The following OFD1 variants were observed in gnomAD, a reference collection of about 807,000 sequenced individuals.
The protein encoded by OFD1 is OFD1 centriole and centriolar satellite protein.
In OFD1, 12 loss-of-function variants were observed where a neutral mutation model predicts 81.4. That is an observed-to-expected ratio of 0.15 (90% CI 0.09 to 0.24). The LOEUF (loss-of-function observed/expected upper bound fraction) is 0.24, where lower values mean the gene tolerates loss of function less well. Ranked by LOEUF, OFD1 falls within the 10% of genes least tolerant of loss-of-function variation. The probability of loss-of-function intolerance (pLI) is 1.00; values close to 1 mark genes in which losing one functional copy is unlikely to be tolerated. For missense variants in OFD1, 685 were observed against 733.9 expected (o/e 0.93, Z 0.77); for synonymous variants, 256 against 263.7 (o/e 0.97, Z 0.28).
intron 2 of OFD1, 38 bp downstream of exon 2, chrX:13,735,384 G>A (rs1229647816): frequency 2.6e-5 from 27 of 1,020,133 alleles, no homozygotes; most frequent in Non-Finnish European, 3.6e-5. Context: ...GCTTTTACAA[G>A]TGTAACCTGT....
rs1198958880 is a variant in OFD1, at chrX:13,763,763, G to C, written c.2507G>C (p.Arg836Thr). The change falls in exon 19 of 23, where the codon AGG (arginine) becomes ACG (threonine). Residue 836 changes from arginine (R) to threonine (T), a missense_variant. By Grantham distance (71) the Arg-to-Thr change is moderately conservative (BLOSUM62 -1). This residue lies in a region of OFD1 where 259 missense variants were observed against 254.4 expected (regional missense o/e 1.02). Coordinates refer to ENST00000340096, the MANE Select transcript of OFD1 (RefSeq NM_003611.3). ...CATGCAGCTGCAGGGAACATGCCAA[G>C]GCAGTTGGAAATGGGCGGGCTTTCT... ...SSFESAGNMP[R>T]QLEMGGLSPA... is the part of the protein sequence containing the mutation. The C allele has an allele frequency of 1.7e-6, 2 of 1,209,034 alleles. No individual in the cohort carries two copies. Among genetic ancestry groups the C allele is most frequent in the East Asian group, 3.0e-5 (1 of 33,800 alleles).
downstream of OFD1, chrX:13,769,419 A>G (rs760546800): frequency 2.6e-5 from 6 of 232,262 alleles, no homozygotes; most frequent in South Asian, 1.0e-4. Context: ...CTGCAGGCCT[A>G]CATTTTGGAA....
intron 19 of OFD1, 94 bp downstream of exon 19, chrX:13,763,949 T>C (rs1390577914): frequency 3.0e-6 from 2 of 677,289 alleles, no homozygotes; most frequent in Non-Finnish European, 4.8e-6. Flanking sequence ...ACTGAAGTCA[T>C]CTTGTAGGTG....
intron 20 of OFD1, chrX:13,767,793 T>G: frequency 3.2e-6 from 1 of 314,661 alleles, no homozygotes; most frequent in Non-Finnish European, 5.7e-6. Flanking sequence ...CTTGCTTGAA[T>G]TACTCTAACA....
At chrX:13,757,894 CAA>C (rs1180390674) in intron 14 of OFD1, 104 bp downstream of exon 14, 7 of 919,033 alleles carry the variant, frequency 7.6e-6, no homozygotes, top group Admixed American at 4.7e-5. Context: ...ATTTTAACAT[CAA>C]ACATTACTCC....
intron 22 of OFD1, 112 bp downstream of exon 22, chrX:13,768,897 A>C (rs967485873): frequency 2.5e-6 from 2 of 784,761 alleles, no homozygotes; most frequent in Non-Finnish European, 3.9e-6. Flanking sequence ...ATCAGTCAAA[A>C]TTAGTGACTA....
chrX:13,746,276 A>T lies in OFD1; in HGVS notation c.518-43A>T, dbSNP rs761039792. On this transcript the variant is annotated intron_variant, in intron 6 of 22. Transcript: ENST00000340096. Reference sequence around the variant, plus strand: ...AGAGGTCTGGCGTCTTACGCACCTGACGATGTTTCTATGTCCTAATTTGAT... The same window carrying T: ...AGAGGTCTGGCGTCTTACGCACCTGTCGATGTTTCTATGTCCTAATTTGAT... The T allele has an allele frequency of 7.6e-6, 9 of 1,178,562 alleles. No homozygotes were observed. The East Asian group carries it at 8.9e-5, about 12-fold the overall frequency.
At chrX:13,735,225 C>A (rs976061744) in intron 1 of OFD1, 23 bp from the exon 2 acceptor site, 1 of 1,202,833 alleles carries the variant, frequency 8.3e-7, no homozygotes, top group Non-Finnish European at 1.1e-6. Flanking sequence ...CCGCAGGTAA[C>A]CTATAACCAT....
At chrX:13,773,280 G>T, downstream of OFD1, 1 of 212,684 alleles carries the variant, frequency 4.7e-6, no homozygotes, top group Non-Finnish European at 8.3e-6. Flanking sequence ...GTATTGTTAA[G>T]AAAAAGCAAA....
intron 19 of OFD1, among the ~76,000 whole-genome samples, chrX:13,764,461 C>T (rs1258468528): frequency 4.5e-5 from 5 of 111,523 alleles, no homozygotes; most frequent in Non-Finnish European, 9.4e-5. Flanking sequence ...CTCTTCTCCT[C>T]CAGATTACCC....
At chrX:13,757,223 T>C (rs2047743170) in intron 13 of OFD1, among the ~76,000 whole-genome samples, 1 of 112,017 alleles carries the variant, frequency 8.9e-6, no homozygotes, top group Admixed American at 9.4e-5. Flanking sequence ...CAACCTTTAT[T>C]AAAGGGTTCT....
chrX:13,751,786 G>A (rs924204890), intron 10 of OFD1, among the ~76,000 whole-genome samples: 6 of 112,150 alleles, frequency 5.3e-5, no homozygotes, highest in Admixed American at 9.4e-5. Context: ...GTGAACTGAA[G>A]TTGTGCTACT....
In OFD1 at chrX:13,753,228, G is replaced by A. The variant is rs761511915; in HGVS notation, c.1056-140G>A. 169 of 1,130,022 alleles carry A rather than the reference G, an allele frequency of 1.5e-4. No individual in the cohort carries two copies. In the East Asian group the frequency reaches 5.2e-3, roughly 35 times the overall value. The allele number at this position is 1,130,022 out of a possible 1,213,427, so 93.1% of individuals were successfully genotyped here. A position where few individuals can be genotyped will look rare whatever the true frequency, so the allele number is the denominator to read the frequency against. ...TTCAGGGGTTATATCCCTGGCTTTA[G>A]TATTGAGGACTTTGAAGTTTACAAG... is the stretch of plus-strand genomic sequence containing the variant. On this transcript the variant is annotated intron_variant, in intron 10 of 22. Transcript: ENST00000340096.
Position 13,751,247 on chromosome X carries a change from A to G in OFD1, c.936-2A>G, listed in dbSNP as rs199902986. 5.6e-5 allele frequency: 67 copies of G among 1,204,385 alleles called. No individual in the cohort carries two copies. Among genetic ancestry groups the G allele is most frequent in the Non-Finnish European group, 7.9e-6 (7 of 891,421 alleles). On this transcript the variant is annotated splice_acceptor_variant, in intron 9 of 22. Coordinates refer to ENST00000340096, the MANE Select transcript of OFD1 (RefSeq NM_003611.3). LOFTEE classifies it high-confidence loss of function. ...TACTTTTTATATTTTTGTTAATTTC[A>G]GGAACCAGAAGCTCCAGGAAGAAAA...
intron 18 of OFD1, 124 bp downstream of exon 18, chrX:13,762,568 TACAACCACAA>T: frequency 2.1e-6 from 1 of 475,183 alleles, no homozygotes; most frequent in Non-Finnish European, 3.8e-6. Context: ...TATTTTGTGA[TACAACCACAA>T]GTACAGATGT....
chrX:13,733,132 T>G (rs1324783517), upstream of OFD1, among the ~76,000 whole-genome samples: 2 of 109,383 alleles, frequency 1.8e-5, no homozygotes, highest in Non-Finnish European at 1.9e-5. Context: ...AGTAAGGGGG[T>G]CTTCAGGAAC....
In OFD1 at chrX:13,758,347, C is replaced by T; in HGVS notation, c.1553C>T (p.Ser518Phe). The T allele has an allele frequency of 8.4e-7, 1 of 1,186,116 alleles. No individual in the cohort carries two copies. Among genetic ancestry groups the T allele is most frequent in the South Asian group, 1.8e-5 (1 of 56,270 alleles). Residue 518 changes from serine to phenylalanine, a missense_variant, in exon 15 of 23, where the codon TCT (serine) becomes TTT (phenylalanine). Around this residue, in one of 3 missense-constraint regions of OFD1, gnomAD observed 414 missense variants for 447.2 expected, o/e 0.93. Coordinates refer to ENST00000340096, the MANE Select transcript of OFD1 (RefSeq NM_003611.3). ...TCTGAATCTTTTCAGATTGAGCATT[C>T]TGCACAGCTGAAGGCCCAGATTCTA... ...HKQLQDEIEHSAQLKAQILGY... is the reference protein window; with the variant it reads ...HKQLQDEIEHFAQLKAQILGY...
At chrX:13,752,176 A>C (rs187806915) in intron 10 of OFD1, among the ~76,000 whole-genome samples, 3 of 112,421 alleles carry the variant, frequency 2.7e-5, no homozygotes, top group African/African-American at 9.7e-5. Flanking sequence ...GCAAAAAGTG[A>C]TATAGGGAAA....
intron 19 of OFD1, 142 bp from the exon 20 acceptor site, chrX:13,766,983 AAT>A (rs1877943661): frequency 9.0e-6 from 5 of 557,728 alleles, no homozygotes; most frequent in African/African-American, 4.6e-5. Context: ...GTGAAAATGA[AAT>A]AGTGACTTGA....
Sources: allele counts gnomAD v4.1 joint callset (sites outside exome capture counted in the v4.1 genomes callset), GRCh38; gene constraint gnomAD v4.1.1; regional missense constraint gnomAD v4.1.1; transcripts MANE v1.5; gene names NCBI Gene and HGNC (gene_info 2026-07-23, HGNC 2026-07-21).